Variants in KDM4C observed in about 807,000 individuals in gnomAD.
The protein encoded by KDM4C is lysine demethylase 4C.
A neutral mutation model predicts 129.3 loss-of-function variants in KDM4C; 81 were observed. The ratio of observed to expected loss-of-function variants is 0.63; its 90% confidence interval spans 0.52 to 0.75. The LOEUF is 0.75. Ranked by LOEUF, KDM4C falls within the 30% of genes least tolerant of loss-of-function variation. KDM4C has a pLI of 0.00. For synonymous variants in KDM4C, 573 were observed against 456.1 expected (o/e 1.26, Z -3.26); for missense variants, 1,457 against 1,304.0 (o/e 1.12, Z -1.81).
At chr9:7,040,021 GA>G (rs1828289396) in intron 15 of KDM4C, among the ~76,000 whole-genome samples, 1 of 152,000 alleles carries the variant, frequency 6.6e-6, no homozygotes, top group Admixed American at 6.6e-5. Context: ...ATGTTTCTTA[GA>G]ATTCAATACT....
At chr9:6,958,310 T>G (rs1259185465) in intron 8 of KDM4C, among the ~76,000 whole-genome samples, 1 of 152,098 alleles carries the variant, frequency 6.6e-6, no homozygotes, top group East Asian at 1.9e-4. Flanking sequence ...TTGAGGCCGG[T>G]GCGGTGGCTC....
intron 1 of KDM4C, chr9:6,721,293 TGAGAC>T: frequency 7.6e-6 from 1 of 131,714 alleles, no homozygotes; most frequent in Admixed American, 8.6e-5. Flanking sequence ...TTTTTTTTTT[TGAGAC>T]AGAGTCTCTC....
intron 8 of KDM4C, among the ~76,000 whole-genome samples, chr9:6,966,342 C>G (rs574736180): frequency 6.6e-6 from 1 of 152,206 alleles, no homozygotes; most frequent in Non-Finnish European, 1.5e-5. Context: ...GCCACTGCGC[C>G]CAGCTAATTT....
chr9:6,814,622 C>A lies in KDM4C; in HGVS notation c.321-9C>A, dbSNP rs759053343. On this transcript the variant is annotated splice_polypyrimidine_tract_variant and intron_variant, in intron 3 of 21. Transcript: ENST00000381309. ...TGGTTTGTACATTTTTGTCATCTAC[C>A]TTTTACAGATATTGTACTCCAAGAT... 12 of 1,543,268 alleles carry A rather than the reference C, an allele frequency of 7.8e-6. No individual in the cohort carries two copies. The highest frequency in any genetic ancestry group is 1.1e-5 in the Non-Finnish European group (12 of 1,126,986).
intron 15 of KDM4C, among the ~76,000 whole-genome samples, chr9:7,044,491 T>C (rs917308783): frequency 1.3e-5 from 2 of 151,914 alleles, no homozygotes; most frequent in Non-Finnish European, 2.9e-5. Context: ...GCGAAAGTGA[T>C]GGCAGTGATG....
At chr9:7,125,106 C>G (rs1285560247) in intron 18 of KDM4C, among the ~76,000 whole-genome samples, 1 of 152,114 alleles carries the variant, frequency 6.6e-6, no homozygotes, top group African/African-American at 2.4e-5. Flanking sequence ...GGCATAAGAA[C>G]TGTTCTCCCC....
intron 8 of KDM4C, among the ~76,000 whole-genome samples, chr9:6,948,848 G>A (rs1004919384): frequency 1.3e-5 from 2 of 152,150 alleles, no homozygotes; most frequent in African/African-American, 2.4e-5. Context: ...ATTTTTCTTA[G>A]TACAGAACAA....
chr9:7,049,587 A>G (rs965113849), intron 17 of KDM4C, among the ~76,000 whole-genome samples: 1 of 152,120 alleles, frequency 6.6e-6, no homozygotes, highest in Non-Finnish European at 1.5e-5. Flanking sequence ...AAATGTATCT[A>G]ACCTAATTTC....
chr9:7,102,891 A>T (rs1027366392), intron 17 of KDM4C, among the ~76,000 whole-genome samples: 1 of 152,194 alleles, frequency 6.6e-6, no homozygotes, highest in South Asian at 2.1e-4. Context: ...TTAGTTCACA[A>T]CTTACATTTA....
chr9:6,835,206 C>G (rs1348480555), intron 4 of KDM4C: 2 of 922,754 alleles, frequency 2.2e-6, no homozygotes, highest in Non-Finnish European at 3.6e-6. Flanking sequence ...CCATCGGCAA[C>G]GAGCAGTTCT....
intron 18 of KDM4C, among the ~76,000 whole-genome samples, chr9:7,122,920 G>A (rs1839659730): frequency 6.6e-6 from 1 of 152,126 alleles, no homozygotes; most frequent in African/African-American, 2.4e-5. Context: ...TGTCTTCTCT[G>A]ATCAGAAATG....
intron 1 of KDM4C, among the ~76,000 whole-genome samples, chr9:6,768,965 G>A (rs1204198654): frequency 6.6e-6 from 1 of 151,934 alleles, no homozygotes; most frequent in African/African-American, 2.4e-5. Flanking sequence ...TAGAGGCGGG[G>A]TTTCACCATG....
upstream of KDM4C, among the ~76,000 whole-genome samples, chr9:6,754,034 C>G (rs1314397756): frequency 6.6e-6 from 1 of 151,730 alleles, no homozygotes; most frequent in Non-Finnish European, 1.5e-5. Flanking sequence ...GCCACTGTGC[C>G]TGGCTAATTT....
In KDM4C at chr9:7,013,944, G is replaced by C; in HGVS notation, c.2125G>C (p.Glu709Gln). ...EYSPPNAFLE[E>Q]DGTSLLISCA... ...TTCTCCACCCAATGCCTTCCTTGAA[G>C]AGGATGGAACAAGTCTCCTTATTTC... Residue 709 changes from glutamate to glutamine, a missense_variant, in exon 14 of 22, where the codon GAG becomes CAG. Glu to Gln is a conservative substitution (Grantham distance 29). Transcript: ENST00000381309. 6.2e-7 allele frequency: 1 copy of C among 1,614,014 alleles called. No individual in the cohort carries two copies. The highest frequency in any genetic ancestry group is 8.5e-7 in the Non-Finnish European group (1 of 1,179,894).
intron 5 of KDM4C, among the ~76,000 whole-genome samples, chr9:6,850,900 G>T (rs1432399743): frequency 6.6e-6 from 1 of 151,646 alleles, no homozygotes; most frequent in African/African-American, 2.4e-5. Flanking sequence ...GATGACAGGC[G>T]TGTGCCACCA....
intron 8 of KDM4C, among the ~76,000 whole-genome samples, chr9:6,914,034 ATT>A (rs1819833880): frequency 6.6e-6 from 1 of 152,252 alleles, no homozygotes; most frequent in East Asian, 1.9e-4. Flanking sequence ...TGAGACTGTT[ATT>A]TGTTTACAAC....
intron 5 of KDM4C, among the ~76,000 whole-genome samples, chr9:6,860,501 A>G (rs1840725138): frequency 6.6e-6 from 1 of 152,214 alleles, no homozygotes. Context: ...CAGATAAATA[A>G]CTACTGGGTA....
intron 5 of KDM4C, among the ~76,000 whole-genome samples, chr9:6,853,080 G>A (rs888898985): frequency 6.6e-6 from 1 of 151,862 alleles, no homozygotes; most frequent in African/African-American, 2.4e-5. Context: ...TAACACACAG[G>A]GCCTGGCTAT....
intron 2 of KDM4C, among the ~76,000 whole-genome samples, chr9:6,799,503 A>G (rs1039343242): frequency 2.0e-5 from 3 of 152,230 alleles, no homozygotes; most frequent in African/African-American, 4.8e-5. Context: ...GCAGTGAGCC[A>G]AGATGGCAGC....
Sources: allele counts gnomAD v4.1 joint callset (sites outside exome capture counted in the v4.1 genomes callset), GRCh38; gene constraint gnomAD v4.1.1; transcripts MANE v1.5; gene names NCBI Gene and HGNC (gene_info 2026-07-23, HGNC 2026-07-21).